Variants in RAB3GAP1 observed in about 807,000 individuals in gnomAD.
The protein encoded by RAB3GAP1 is rab3 GTPase-activating protein catalytic subunit.
In RAB3GAP1, 86 loss-of-function variants were observed where a neutral mutation model predicts 130.7. The observed-to-expected ratio is 0.66, with a 90% confidence interval of 0.55 to 0.79. RAB3GAP1 has a LOEUF of 0.79. RAB3GAP1 is among the 30% of genes least tolerant of loss of function. RAB3GAP1 has a pLI of 0.00. For missense variants in RAB3GAP1, 1,029 were observed against 1,169.4 expected, an observed-to-expected ratio of 0.88 and a Z score of 1.75; for synonymous variants, 367 against 401.7, an observed-to-expected ratio of 0.91 and a Z score of 1.03.
At position 135,090,996 on chromosome 2, in the gene RAB3GAP1, A is replaced by G. The variant is rs746082083; in HGVS notation, c.151-2A>G. On this transcript the variant is annotated splice_acceptor_variant, in intron 3 of 23. Coordinates refer to ENST00000264158, the MANE Select transcript of RAB3GAP1 (RefSeq NM_012233.3). LOFTEE classifies it high-confidence loss of function. ...ATTTTGCCATTTTATTGGTACATAT[A>G]GGGTATATTTACTTCTGGCACATGG... 6.2e-7 allele frequency: 1 copy of G among 1,611,448 alleles called. No homozygotes were observed. The highest frequency in any genetic ancestry group is 8.5e-7 in the Non-Finnish European group (1 of 1,177,840).
rs1324379432 is a variant in RAB3GAP1 at position 135,164,590 on chromosome 2, C to T, written c.2607-4C>T. ...CCCTTTCATTGCCTGTCTCTGTCTC[C>T]TAGGTTTGTGAGTTGCCTGCTGGAG... is the stretch of plus-strand genomic sequence containing the variant. On this transcript the variant is annotated splice_region_variant and splice_polypyrimidine_tract_variant and intron_variant, in intron 22 of 23. Coordinates refer to ENST00000264158, the MANE Select transcript of RAB3GAP1 (RefSeq NM_012233.3). The T allele has an allele frequency of 6.2e-7, 1 of 1,606,700 alleles. No individual in the cohort carries two copies. The highest frequency in any genetic ancestry group is 1.7e-5 in the Admixed American group (1 of 59,982).
rs1691839736 is a variant in RAB3GAP1 at position 135,141,530 on chromosome 2, CTT to C, written c.1923+5600_1923+5601del. 2.0e-5 allele frequency among the ~76,000 whole-genome samples: 3 copies of C among 151,946 alleles called. No individual in the cohort carries two copies. In the South Asian group the frequency reaches 6.2e-4, roughly 32 times the overall value. ...TGAGCCACCGCGCCTGGCCTGTTCA[CTT>C]TCTTAATGATGCCTTGGGTTGAAGA... On this transcript the variant is annotated intron_variant, in intron 17 of 23. Coordinates refer to ENST00000264158, the MANE Select transcript of RAB3GAP1 (RefSeq NM_012233.3).
intron 16 of RAB3GAP1, 38 bp downstream of exon 16, chr2:135,135,357 G>GATT: frequency 6.5e-7 from 1 of 1,534,172 alleles, no homozygotes; most frequent in Non-Finnish European, 9.0e-7. Context: ...ATGTGGTCTT[G>GATT]ATTTAATCAG....
At chr2:135,135,959 T>G in intron 17 of RAB3GAP1, 27 bp downstream of exon 17, 1 of 1,609,428 alleles carries the variant, frequency 6.2e-7, no homozygotes, top group Non-Finnish European at 8.5e-7. Flanking sequence ...CTTTCCATTT[T>G]AATTTATTTT....
At chr2:135,086,525 G>A (rs1351462937) in intron 3 of RAB3GAP1, among the ~76,000 whole-genome samples, 6 of 151,792 alleles carry the variant, frequency 4.0e-5, no homozygotes, top group Non-Finnish European at 7.4e-5. Context: ...CATTCATAGC[G>A]CTTTCTGCTG....
chr2:135,160,898 G>A lies in RAB3GAP1; in HGVS notation c.2290-1657G>A, dbSNP rs1271687922. 8.5e-5 allele frequency among the ~76,000 whole-genome samples: 13 copies of A among 152,092 alleles called. No homozygotes were observed. The East Asian group carries it at 2.3e-3, about 27-fold the overall frequency. On this transcript the variant is annotated intron_variant, in intron 19 of 23. Coordinates refer to ENST00000264158, the MANE Select transcript of RAB3GAP1 (RefSeq NM_012233.3). The stretch of plus-strand genomic sequence containing the variant: ...TGTGCGACTTATTCTGAAATTATTC[G>A]AAACAAGTTTATGTCTATAGTATGT...
At chr2:135,113,711 G>T (rs1415831501) in intron 6 of RAB3GAP1, among the ~76,000 whole-genome samples, 2 of 151,888 alleles carry the variant, frequency 1.3e-5, no homozygotes, top group Non-Finnish European at 2.9e-5. Flanking sequence ...TGAAGACTAT[G>T]TGATTCTCAA....
At chr2:135,097,511 G>C (rs1161586283) in intron 5 of RAB3GAP1, among the ~76,000 whole-genome samples, 1 of 152,128 alleles carries the variant, frequency 6.6e-6, no homozygotes, top group Non-Finnish European at 1.5e-5. Flanking sequence ...GTGAGCCACT[G>C]TACCTGACCA....
Position 135,164,590 on chromosome 2 carries a change from C to G in RAB3GAP1, c.2607-4C>G, listed in dbSNP as rs1324379432. 6.2e-7 allele frequency: 1 copy of G among 1,606,700 alleles called. No homozygotes were observed. Among genetic ancestry groups the G allele is most frequent in the South Asian group, 1.1e-5 (1 of 90,866 alleles). On this transcript the variant is annotated splice_region_variant and splice_polypyrimidine_tract_variant and intron_variant, in intron 22 of 23. Coordinates refer to ENST00000264158, the MANE Select transcript of RAB3GAP1 (RefSeq NM_012233.3). The stretch of plus-strand genomic sequence containing the variant: ...CCCTTTCATTGCCTGTCTCTGTCTC[C>G]TAGGTTTGTGAGTTGCCTGCTGGAG...
At chr2:135,129,188 C>T (rs977866615) in intron 11 of RAB3GAP1, among the ~76,000 whole-genome samples, 14 of 150,506 alleles carry the variant, frequency 9.3e-5, no homozygotes, top group South Asian at 2.1e-4. Context: ...CGCGGTGACT[C>T]ACACTTGTAA....
chr2:135,136,848 A>G, intron 17 of RAB3GAP1: 1 of 404,632 alleles, frequency 2.5e-6, no homozygotes, highest in Non-Finnish European at 4.0e-6. Flanking sequence ...CAAGCCCCAC[A>G]CCAAGGTGGG....
At chr2:135,132,006 A>G (rs979826538) in intron 13 of RAB3GAP1, among the ~76,000 whole-genome samples, 2 of 152,228 alleles carry the variant, frequency 1.3e-5, no homozygotes, top group Admixed American at 1.3e-4. Context: ...TAGCTTGTAC[A>G]TCGTAAGATG....
chr2:135,164,407 T>C (rs1312002259), intron 22 of RAB3GAP1, among the ~76,000 whole-genome samples, 187 bp from the exon 23 acceptor site: 1 of 152,192 alleles, frequency 6.6e-6, no homozygotes, highest in Non-Finnish European at 1.5e-5. Flanking sequence ...AGCAGGAAGA[T>C]TGTCAGTTAA....
intron 5 of RAB3GAP1, 23 bp downstream of exon 5, chr2:135,093,716 A>G (rs1209673869): frequency 6.4e-7 from 1 of 1,553,172 alleles, no homozygotes; most frequent in Non-Finnish European, 8.9e-7. Context: ...TTTACTCAGT[A>G]TCTTTTAGTA....
chr2:135,096,686 GTTTAAT>G (rs1223957521), intron 5 of RAB3GAP1, among the ~76,000 whole-genome samples: 1 of 152,110 alleles, frequency 6.6e-6, no homozygotes, highest in East Asian at 1.9e-4. Context: ...ACTGAATTAG[GTTTAAT>G]TCCTAACTCA....
At chr2:135,070,200 G>GCAGA (rs753230013) in intron 3 of RAB3GAP1, among the ~76,000 whole-genome samples, 3 of 152,180 alleles carry the variant, frequency 2.0e-5, no homozygotes, top group South Asian at 2.1e-4. Context: ...TGTAACAGAG[G>GCAGA]CAGACAGACA....
At chr2:135,080,203 T>A (rs1689754153) in intron 3 of RAB3GAP1, among the ~76,000 whole-genome samples, 1 of 152,168 alleles carries the variant, frequency 6.6e-6, no homozygotes, top group Non-Finnish European at 1.5e-5. Context: ...ACACATGAAT[T>A]ATCTGGCTTA....
At chr2:135,055,399 C>T (rs56903548) in intron 2 of RAB3GAP1, among the ~76,000 whole-genome samples, 47,682 of 152,002 alleles carry the variant, frequency 0.31, 11,381 homozygotes, top group African/African-American at 0.65. Flanking sequence ...CATTCCTGGC[C>T]GGGCATGGTG....
At chr2:135,139,547 T>TAA (rs879738066) in intron 17 of RAB3GAP1, among the ~76,000 whole-genome samples, 148 of 140,476 alleles carry the variant, frequency 1.1e-3, no homozygotes, top group African/African-American at 3.6e-3. Flanking sequence ...TCTCAAAAAT[T>TAA]AAAAAAAAAA....
Sources: gnomAD v4.1 joint callset for allele counts (sites outside exome capture counted in the v4.1 genomes callset) on GRCh38, gnomAD v4.1.1 for gene constraint, MANE v1.5 for transcripts, NCBI Gene and HGNC (gene_info 2026-07-23, HGNC 2026-07-21) for gene names.